EPG5: variants seen among roughly 807,000 people sequenced by gnomAD.
EPG5 encodes the protein ectopic P-granules 5 autophagy tethering factor.
In EPG5, 159 loss-of-function variants were observed where a neutral mutation model predicts 302.7. That is an observed-to-expected ratio of 0.53 (90% CI 0.46 to 0.60). The LOEUF (loss-of-function observed/expected upper bound fraction) is 0.60. Ranked by LOEUF, EPG5 falls within the 20% of genes least tolerant of loss-of-function variation. EPG5 has a pLI of 0.00. For missense variants in EPG5, 2,896 were observed against 3,092.4 expected (o/e 0.94, Z 1.51); for synonymous variants, 1,158 against 1,136.8 (o/e 1.02, Z -0.37).
chr18:45,915,418 G>A lies in EPG5; in HGVS notation c.3693+93C>T, dbSNP rs533522453. On this transcript the variant is annotated intron_variant, in intron 20 of 43. Coordinates refer to ENST00000282041, the MANE Select transcript of EPG5 (RefSeq NM_020964.3). The stretch of plus-strand genomic sequence containing the variant: ...ACACTAGAATAAGTGCTAAATAAAA[G>A]TTAGTTTAGACAATTAGTAATTTCT... The A allele has an allele frequency of 4.0e-3, 3,592 of 896,838 alleles. 22 individuals carry two copies. Among genetic ancestry groups the A allele is most frequent in the South Asian group, 5.4e-3 (352 of 64,970 alleles). 55.6% of individuals were successfully genotyped at this position (896,838 alleles called of 1,614,324 possible).
chr18:45,808,565 G>A, the EPG5 span, among the ~76,000 whole-genome samples: 1 of 152,062 alleles, frequency 6.6e-6, no homozygotes, highest in Non-Finnish European at 1.5e-5. Context: ...GGGATTGGGG[G>A]CCTATCTTCA....
chr18:45,896,101 G>T (rs1033270301), intron 27 of EPG5, among the ~76,000 whole-genome samples: 2 of 152,192 alleles, frequency 1.3e-5, no homozygotes, highest in African/African-American at 2.4e-5. Context: ...AGTCCTAGAA[G>T]TATCAACCAG....
chr18:45,916,813 G>A (rs2145718864), intron 17 of EPG5: 1 of 314,752 alleles, frequency 3.2e-6, no homozygotes, highest in Non-Finnish European at 5.9e-6. Context: ...ACAAACACAT[G>A]CAAGTTAAAC....
intron 4 of EPG5, 57 bp from the exon 5 acceptor site, chr18:45,949,648 A>C: frequency 5.9e-6 from 7 of 1,191,162 alleles, no homozygotes; most frequent in Non-Finnish European, 7.4e-6. Context: ...TAATTTATCT[A>C]GGGGTCTAGT....
chr18:45,810,993 T>C, the EPG5 span, among the ~76,000 whole-genome samples: 15 of 152,150 alleles, frequency 9.9e-5, no homozygotes, highest in Non-Finnish European at 2.9e-5. Flanking sequence ...CTCAGCAATA[T>C]TGGCATACAA....
chr18:45,939,872 T>C (rs1481556708), intron 9 of EPG5, 117 bp from the exon 10 acceptor site: 12 of 907,388 alleles, frequency 1.3e-5, no homozygotes, highest in African/African-American at 1.7e-5. Context: ...ACTATCCACC[T>C]ACTATTGTCC....
In EPG5 at chr18:45,907,956, A is replaced by G; in HGVS notation, c.4329+2T>C. 1.9e-6 allele frequency: 3 copies of G among 1,556,642 alleles called. No homozygotes were observed. Among genetic ancestry groups the G allele is most frequent in the Non-Finnish European group, 2.6e-6 (3 of 1,163,214 alleles). ...AAAAAAAAAGGAGGGCTATAATTTC[A>G]CCTGCTGATTCTGCATCACTTTTGC... On this transcript the variant is annotated splice_donor_variant, in intron 24 of 43. Transcript: ENST00000282041. LOFTEE classifies it high-confidence loss of function.
the EPG5 span, among the ~76,000 whole-genome samples, chr18:45,812,118 C>A: frequency 4.9e-3 from 750 of 152,152 alleles, 5 homozygotes; most frequent in Non-Finnish European, 8.7e-3. Flanking sequence ...TCTTATACAC[C>A]AATAACAGAC....
At chr18:45,840,277 C>G in the EPG5 span, 1 of 1,603,508 alleles carries the variant, frequency 6.2e-7, no homozygotes, top group South Asian at 1.1e-5. Context: ...TACCCTACCC[C>G]ACCCACCTAG....
the EPG5 span, among the ~76,000 whole-genome samples, chr18:45,837,335 CCCT>C: frequency 2.0e-5 from 3 of 152,192 alleles, no homozygotes; most frequent in African/African-American, 7.2e-5. Context: ...CAGGAATTGC[CCCT>C]CAAGTCACAA....
At chr18:45,857,652 G>A in intron 42 of EPG5, 3 of 538,276 alleles carry the variant, frequency 5.6e-6, no homozygotes, top group Non-Finnish European at 6.5e-6. Context: ...TTTTTTAAAG[G>A]TAAGAAAAAA....
At chr18:45,925,704 C>T in intron 14 of EPG5, 34 bp downstream of exon 14, 1 of 1,415,108 alleles carries the variant, frequency 7.1e-7, no homozygotes, top group Non-Finnish European at 9.3e-7. Context: ...GCATGTACAA[C>T]CTCCAGTCTC....
chr18:45,867,510 G>C, intron 37 of EPG5, 53 bp downstream of exon 37: 1 of 1,448,512 alleles, frequency 6.9e-7, no homozygotes, highest in Non-Finnish European at 9.6e-7. Flanking sequence ...CTAGTAGAAA[G>C]CAAAGATCTA....
chr18:45,931,218 T>C (rs1314946788), intron 11 of EPG5, among the ~76,000 whole-genome samples: 2 of 152,222 alleles, frequency 1.3e-5, no homozygotes, highest in Non-Finnish European at 2.9e-5. Flanking sequence ...TTGAAGCTAC[T>C]TGGTAACTGT....
chr18:45,933,867 T>C (rs748318600), intron 11 of EPG5, among the ~76,000 whole-genome samples: 2 of 151,370 alleles, frequency 1.3e-5, no homozygotes, highest in Non-Finnish European at 3.0e-5. Context: ...ATCTTTGGTG[T>C]TTTTTTTTAG....
intron 21 of EPG5, among the ~76,000 whole-genome samples, chr18:45,913,180 G>C (rs980610645): frequency 1.3e-5 from 2 of 151,936 alleles, no homozygotes; most frequent in African/African-American, 4.8e-5. Context: ...ATTTCAAAAG[G>C]ACATTCGAGA....
chr18:45,838,746 G>A, the EPG5 span: 12 of 1,583,238 alleles, frequency 7.6e-6, no homozygotes, highest in Non-Finnish European at 8.5e-6. Context: ...ACATCTCGGT[G>A]CTGCCCAGTC....
chr18:45,964,563 T>C (rs1370043210), intron 1 of EPG5, among the ~76,000 whole-genome samples: 3 of 152,198 alleles, frequency 2.0e-5, no homozygotes, highest in African/African-American at 7.2e-5. Context: ...TGTAGTCTCA[T>C]CGTTAAGTAG....
At chr18:45,952,270 G>T in intron 3 of EPG5, 130 bp downstream of exon 3, 3 of 1,066,118 alleles carry the variant, frequency 2.8e-6, no homozygotes, top group Non-Finnish European at 4.0e-6. Flanking sequence ...AGTGGGGGAG[G>T]CCTGGTAAAA....
Sources: gnomAD v4.1 joint callset for allele counts (sites outside exome capture counted in the v4.1 genomes callset) on GRCh38, gnomAD v4.1.1 for gene constraint, MANE v1.5 for transcripts, NCBI Gene and HGNC (gene_info 2026-07-23, HGNC 2026-07-21) for gene names.